Variants in CNIH1 observed in about 807,000 individuals in gnomAD.
The protein encoded by CNIH1 is cornichon family member 1, also known as protein cornichon homolog 1.
Under a neutral mutation model 20.2 loss-of-function variants are expected in CNIH1, and 12 were observed. The ratio of observed to expected loss-of-function variants is 0.59; its 90% CI spans 0.38 to 0.96. CNIH1 has a LOEUF of 0.96. Among genes scored for constraint, CNIH1 ranks in the 40% least tolerant of loss-of-function variants. The pLI is 0.00. For synonymous variants in CNIH1, 69 were observed against 63.3 expected (o/e 1.09, Z -0.43); for missense variants, 152 against 178.8 (o/e 0.85, Z 0.85).
At chr14:54,435,091 C>T (rs1407514440) in intron 2 of CNIH1, among the ~76,000 whole-genome samples, 1 of 152,172 alleles carries the variant, frequency 6.6e-6, no homozygotes, top group Non-Finnish European at 1.5e-5. Context: ...ACAAACTCTC[C>T]CCTTCGTTAA....
chr14:54,437,773 C>T lies in CNIH1; in HGVS notation c.82-1336G>A, dbSNP rs559226954. 1.1e-4 allele frequency among the ~76,000 whole-genome samples: 16 copies of T among 152,068 alleles called. No individual in the cohort carries two copies. The South Asian group carries it at 3.3e-3, about 32-fold the overall frequency. On this transcript the variant is annotated intron_variant, in intron 1 of 4. Coordinates refer to ENST00000216416, the MANE Select transcript of CNIH1 (RefSeq NM_005776.3). Reference sequence around the variant, plus strand: ...AACATACATGTGTAATTAGAAAATACTAATTTCTGATTACTTATGGACGTT... The same window carrying T: ...AACATACATGTGTAATTAGAAAATATTAATTTCTGATTACTTATGGACGTT...
chr14:54,424,594 T>C lies in CNIH1; in HGVS notation c.*3220A>G, dbSNP rs541684420. The C allele has an allele frequency of 1.6e-4, 24 of 152,336 alleles. No individual in the cohort carries two copies. Among genetic ancestry groups the C allele is most frequent in the African/African-American group, 5.5e-4 (23 of 41,586 alleles). 9.4% of individuals were successfully genotyped at this position (152,336 alleles called of 1,614,324 possible). A position where few individuals can be genotyped will look rare whatever the true frequency, so the allele number is the denominator to read the frequency against. ...TAAACATAGAAGGAGAAGAGAGGTG[T>C]TGTACAAAGGATTTTGCTGGTTTCA... On this transcript the variant is annotated 3_prime_UTR_variant, in exon 5 of 5. Transcript: ENST00000216416.
chr14:54,434,811 T>C (rs1285960544), intron 2 of CNIH1, among the ~76,000 whole-genome samples: 1 of 152,190 alleles, frequency 6.6e-6, no homozygotes, highest in Non-Finnish European at 1.5e-5. Context: ...AATTAACACT[T>C]AATGCTTTCC....
intron 3 of CNIH1, among the ~76,000 whole-genome samples, chr14:54,430,886 T>C (rs113848746): frequency 6.3e-4 from 96 of 152,244 alleles, no homozygotes; most frequent in African/African-American, 2.0e-3. Flanking sequence ...GGCTGCAATA[T>C]AGTGGTGCAA....
chr14:54,436,003 TACAA>T (rs2031047905), intron 2 of CNIH1: 1 of 689,064 alleles, frequency 1.5e-6, no homozygotes, highest in African/African-American at 1.8e-5. Context: ...AACAAAACGT[TACAA>T]ATACAAATGC....
Position 54,426,342 on chromosome 14 carries a change from G to A in CNIH1, c.*1472C>T, listed in dbSNP as rs1185402285. 6.6e-6 allele frequency: 1 copy of A among 152,134 alleles called. No homozygotes were observed. Among genetic ancestry groups the A allele is most frequent in the Non-Finnish European group, 1.5e-5 (1 of 68,012 alleles). The allele number at this position is 152,134 out of a possible 1,614,324, so 9.4% of individuals were successfully genotyped here. A position where few individuals can be genotyped will look rare whatever the true frequency, so the allele number is the denominator to read the frequency against. The stretch of plus-strand genomic sequence containing the variant: ...ACTGAAATAAAGCACTTTTCACTTA[G>A]TAGAGAATAAAACAGCATCTAATCC... On this transcript the variant is annotated 3_prime_UTR_variant, in exon 5 of 5. Coordinates refer to ENST00000216416, the MANE Select transcript of CNIH1 (RefSeq NM_005776.3).
chr14:54,431,576 G>A (rs2030944606), intron 3 of CNIH1, among the ~76,000 whole-genome samples: 1 of 151,970 alleles, frequency 6.6e-6, no homozygotes, highest in African/African-American at 2.4e-5. Flanking sequence ...CTCTATATAC[G>A]GCAGATATTA....
intron 4 of CNIH1, among the ~76,000 whole-genome samples, chr14:54,428,366 G>A (rs1448546582): frequency 6.6e-6 from 1 of 152,106 alleles, no homozygotes; most frequent in African/African-American, 2.4e-5. Context: ...AAAAGAAAAG[G>A]GGGGAAAACA....
At chr14:54,433,223 T>A (rs1465494624) in intron 2 of CNIH1, among the ~76,000 whole-genome samples, 5 of 152,202 alleles carry the variant, frequency 3.3e-5, no homozygotes, top group African/African-American at 1.2e-4. Flanking sequence ...AAATGTTTAC[T>A]TCATACCAAA....
rs2030801009 is a variant in CNIH1, at chr14:54,425,170, C to A, written c.*2644G>T. On this transcript the variant is annotated 3_prime_UTR_variant, in exon 5 of 5. Transcript: ENST00000216416. ...ACTGCCACAATATAGTATTATTACTCAGTAAAGTAACGGCTAAACAGACAT... is the reference window on the plus strand; with the variant it reads ...ACTGCCACAATATAGTATTATTACTAAGTAAAGTAACGGCTAAACAGACAT... 7.0e-6 allele frequency: 1 copy of A among 143,090 alleles called. No homozygotes were observed. The highest frequency in any genetic ancestry group is 1.5e-5 in the Non-Finnish European group (1 of 67,632). The allele number at this position is 143,090 out of a possible 1,614,324, so 8.9% of individuals were successfully genotyped here.
intron 3 of CNIH1, among the ~76,000 whole-genome samples, chr14:54,431,802 T>C (rs1171536898): frequency 6.6e-6 from 1 of 152,202 alleles, no homozygotes; most frequent in Non-Finnish European, 1.5e-5. Flanking sequence ...ACAACTGTTG[T>C]GTATCTTGAT....
rs2030779306 is a variant in CNIH1, at chr14:54,424,016, A to C, written c.*3798T>G. On this transcript the variant is annotated 3_prime_UTR_variant, in exon 5 of 5. Transcript: ENST00000216416. ...TAGACATTTAGCTTTGGAACTTTGA[A>C]TTTCAAAGTAAAATTGTTATAAGAA... 6.6e-6 allele frequency: 1 copy of C among 152,192 alleles called. No individual in the cohort carries two copies. The highest frequency in any genetic ancestry group is 1.5e-5 in the Non-Finnish European group (1 of 68,022). The allele number at this position is 152,192 out of a possible 1,614,324, so 9.4% of individuals were successfully genotyped here.
rs191244029 is a variant in CNIH1, at chr14:54,424,613, G to A, written c.*3201C>T. The A allele has an allele frequency of 1.6e-4, 25 of 152,268 alleles. No homozygotes were observed. Among genetic ancestry groups the A allele is most frequent in the African/African-American group, 5.3e-4 (22 of 41,556 alleles). 9.4% of individuals were successfully genotyped at this position (152,268 alleles called of 1,614,324 possible). ...GAGGTGTTGTACAAAGGATTTTGCT[G>A]GTTTCAAAGCACATACAACTTTATT... is the stretch of plus-strand genomic sequence containing the variant. On this transcript the variant is annotated 3_prime_UTR_variant, in exon 5 of 5. Transcript: ENST00000216416.
In CNIH1 at chr14:54,438,658, A is replaced by G. The variant is rs139728447; in HGVS notation, c.82-2221T>C. On this transcript the variant is annotated intron_variant, in intron 1 of 4. Coordinates refer to ENST00000216416, the MANE Select transcript of CNIH1 (RefSeq NM_005776.3). ...AAAACATTCTCTAATACAGTGATTA[A>G]TGTAAATAAGATTTTTGGAATGTAA... Among the ~76,000 whole-genome samples, 687 of 152,354 alleles carry G rather than the reference A, an allele frequency of 4.5e-3. 4 individuals are homozygous for G. Among genetic ancestry groups the G allele is most frequent in the South Asian group, 0.03 (143 of 4,832 alleles).
chr14:54,432,786 G>A (rs1342175808), intron 2 of CNIH1, among the ~76,000 whole-genome samples: 1 of 152,166 alleles, frequency 6.6e-6, no homozygotes, highest in Non-Finnish European at 1.5e-5. Context: ...GCACAGTGAG[G>A]GGAAGAACAC....
intron 3 of CNIH1, among the ~76,000 whole-genome samples, chr14:54,430,787 T>C (rs1211195687): frequency 6.6e-6 from 1 of 152,196 alleles, no homozygotes; most frequent in Non-Finnish European, 1.5e-5. Flanking sequence ...TCTCCTTCTC[T>C]TTCTCATTCT....
intron 2 of CNIH1, among the ~76,000 whole-genome samples, chr14:54,435,774 C>T (rs1348725373): frequency 6.6e-6 from 1 of 152,150 alleles, no homozygotes; most frequent in Non-Finnish European, 1.5e-5. Context: ...AGTCACAACC[C>T]GAGAATCATC....
Position 54,427,783 on chromosome 14 carries a change from C to T in CNIH1, c.*31G>A, listed in dbSNP as rs2030855106. ...TTCATTTGGTGGCTTTTTGCATGCA[C>T]TTAACTGGACCAATTCTTCTGTGTG... On this transcript the variant is annotated 3_prime_UTR_variant, in exon 5 of 5. Coordinates refer to ENST00000216416, the MANE Select transcript of CNIH1 (RefSeq NM_005776.3). 3.1e-6 allele frequency: 5 copies of T among 1,612,904 alleles called. No homozygotes were observed. Among genetic ancestry groups the T allele is most frequent in the Admixed American group, 1.7e-5 (1 of 59,974 alleles).
intron 1 of CNIH1, among the ~76,000 whole-genome samples, chr14:54,439,352 C>G (rs2031119720): frequency 6.6e-6 from 1 of 151,914 alleles, no homozygotes; most frequent in African/African-American, 2.4e-5. Flanking sequence ...TTTGTTTAAG[C>G]TGAAATTACC....
Sources: allele counts gnomAD v4.1 joint callset (sites outside exome capture counted in the v4.1 genomes callset), GRCh38; gene constraint gnomAD v4.1.1; transcripts MANE v1.5; gene names NCBI Gene and HGNC (gene_info 2026-07-23, HGNC 2026-07-21).